The following PHKB variants were observed in gnomAD, a reference collection of about 807,000 sequenced individuals.
PHKB encodes the protein phosphorylase b kinase regulatory subunit beta.
Under a neutral mutation model 152.1 loss-of-function variants are expected in PHKB, and 122 were observed. The observed-to-expected ratio is 0.80, with a 90% CI of 0.69 to 0.93. PHKB has a LOEUF of 0.93. PHKB is among the 40% of genes least tolerant of loss of function. The pLI is 0.00. For synonymous variants in PHKB, 436 were observed against 464.9 expected, an observed-to-expected ratio of 0.94 and a Z score of 0.80; for missense variants, 1,304 against 1,328.4, an observed-to-expected ratio of 0.98 and a Z score of 0.29.
intron 26 of PHKB, among the ~76,000 whole-genome samples, chr16:47,687,942 TC>T (rs1449927768): frequency 6.6e-6 from 1 of 152,204 alleles, no homozygotes; most frequent in Non-Finnish European, 1.5e-5. Flanking sequence ...ACATTAGTCA[TC>T]CCATGAGGAT....
At chr16:47,636,157 C>A (rs1046506567) in intron 14 of PHKB, among the ~76,000 whole-genome samples, 1 of 152,176 alleles carries the variant, frequency 6.6e-6, no homozygotes, top group Non-Finnish European at 1.5e-5. Context: ...AGTTTTCAAT[C>A]TATTAACTTT....
At chr16:47,567,522 CT>C (rs1283966670) in intron 7 of PHKB, among the ~76,000 whole-genome samples, 3 of 152,010 alleles carry the variant, frequency 2.0e-5, no homozygotes, top group African/African-American at 7.3e-5. Context: ...TTTACATGCC[CT>C]TTATTTCTGT....
chr16:47,563,925 C>T (rs1971519205), intron 7 of PHKB, among the ~76,000 whole-genome samples: 1 of 151,752 alleles, frequency 6.6e-6, no homozygotes, highest in African/African-American at 2.4e-5. Context: ...GTTTTTCATT[C>T]CTGAGATACT....
intron 1 of PHKB, among the ~76,000 whole-genome samples, chr16:47,496,069 ATTT>A (rs1046020940): frequency 6.6e-6 from 1 of 151,930 alleles, no homozygotes; most frequent in African/African-American, 2.4e-5. Context: ...GGACACAGCA[ATTT>A]TATGAGCATA....
Position 47,594,217 on chromosome 16 carries a change from A to G in PHKB, c.1204+3A>G. ...AGTACTTCATCATACCACAGAAGGTATAGTTGTTTTTTTAAGAAATTCTTC... is the reference window on the plus strand; with the variant it reads ...AGTACTTCATCATACCACAGAAGGTGTAGTTGTTTTTTTAAGAAATTCTTC... On this transcript the variant is annotated splice_donor_region_variant and intron_variant, in intron 12 of 30. Transcript: ENST00000323584. The G allele has an allele frequency of 3.3e-6, 5 of 1,494,166 alleles. No individual in the cohort carries two copies. In the South Asian group the frequency reaches 3.4e-5, roughly 10 times the overall value. 92.6% of individuals were successfully genotyped at this position (1,494,166 alleles called of 1,614,324 possible). A position where few individuals can be genotyped will look rare whatever the true frequency, so the allele number is the denominator to read the frequency against.
intron 1 of PHKB, among the ~76,000 whole-genome samples, chr16:47,477,127 A>C (rs759760161): frequency 1.3e-5 from 2 of 152,136 alleles, no homozygotes; most frequent in Admixed American, 6.5e-5. Flanking sequence ...TCTTGTTTTT[A>C]CATATTTTCT....
At position 47,463,842 on chromosome 16, in the gene PHKB, ATTAAT is replaced by A. The variant is rs2151624838; in HGVS notation, c.76+2421_76+2425del. ...TTAATAACTGCTCACACTGCTTTCAATTAATTTAACACTGATTGCTTCTAACCTTT... is the reference window on the plus strand; with the variant it reads ...TTAATAACTGCTCACACTGCTTTCAATTAACACTGATTGCTTCTAACCTTT... On this transcript the variant is annotated intron_variant, in intron 1 of 30. Transcript: ENST00000323584. 6 of 1,253,668 alleles carry A rather than the reference ATTAAT, an allele frequency of 4.8e-6. No homozygotes were observed. The South Asian group carries it at 7.3e-5, about 15-fold the overall frequency. The allele number at this position is 1,253,668 out of a possible 1,614,324, so 77.7% of individuals were successfully genotyped here. A position where few individuals can be genotyped will look rare whatever the true frequency, so the allele number is the denominator to read the frequency against.
intron 1 of PHKB, among the ~76,000 whole-genome samples, chr16:47,488,990 G>A (rs1456228801): frequency 6.6e-6 from 1 of 152,106 alleles, no homozygotes; most frequent in African/African-American, 2.4e-5. Context: ...AAATGTCATT[G>A]GTAGTTTGAT....
chr16:47,631,545 G>T (rs571074113), intron 14 of PHKB, among the ~76,000 whole-genome samples: 43 of 152,156 alleles, frequency 2.8e-4, no homozygotes, highest in African/African-American at 8.7e-4. Flanking sequence ...TTGTTACATT[G>T]GTATGCATGT....
intron 6 of PHKB, among the ~76,000 whole-genome samples, chr16:47,536,663 A>T (rs1265332598): frequency 6.6e-6 from 1 of 152,242 alleles, no homozygotes; most frequent in African/African-American, 2.4e-5. Flanking sequence ...ATTCACACAA[A>T]GTGAGGAACA....
Position 47,699,499 on chromosome 16 carries a change from G to A in PHKB, c.*133G>A, listed in dbSNP as rs1974212124. 1.0e-6 allele frequency: 1 copy of A among 998,366 alleles called. No individual in the cohort carries two copies. The highest frequency in any genetic ancestry group is 1.6e-6 in the Non-Finnish European group (1 of 621,928). The allele number at this position is 998,366 out of a possible 1,614,324, so 61.8% of individuals were successfully genotyped here. Reference sequence around the variant, plus strand: ...GGAGGTGAATGCCACATCCTTGGCGGGGTTATGGACCTCTTGCATGTCATA... The same window carrying A: ...GGAGGTGAATGCCACATCCTTGGCGAGGTTATGGACCTCTTGCATGTCATA... On this transcript the variant is annotated 3_prime_UTR_variant, in exon 31 of 31. Coordinates refer to ENST00000323584, the MANE Select transcript of PHKB (RefSeq NM_000293.3).
intron 6 of PHKB, among the ~76,000 whole-genome samples, chr16:47,523,747 A>T (rs1394130181): frequency 6.6e-6 from 1 of 152,188 alleles, no homozygotes; most frequent in Non-Finnish European, 1.5e-5. Flanking sequence ...GCAGTGTTAA[A>T]TGGTTGCAAC....
chr16:47,620,244 A>G (rs1184694186), intron 14 of PHKB, among the ~76,000 whole-genome samples: 2 of 152,226 alleles, frequency 1.3e-5, no homozygotes, highest in African/African-American at 2.4e-5. Flanking sequence ...TTCTGATATG[A>G]AAATGCTATT....
chr16:47,627,619 A>G (rs902869622), intron 14 of PHKB, among the ~76,000 whole-genome samples: 3 of 152,228 alleles, frequency 2.0e-5, no homozygotes, highest in African/African-American at 4.8e-5. Context: ...TTATATAATC[A>G]CTAATCCAAT....
chr16:47,496,896 G>T (rs899863114), intron 1 of PHKB, among the ~76,000 whole-genome samples: 1 of 152,194 alleles, frequency 6.6e-6, no homozygotes, highest in South Asian at 2.1e-4. Context: ...AGGAATTTCA[G>T]CATGAAACCT....
intron 6 of PHKB, among the ~76,000 whole-genome samples, chr16:47,531,154 C>T (rs1048507195): frequency 5.9e-5 from 9 of 152,132 alleles, no homozygotes; most frequent in East Asian, 3.8e-4. Flanking sequence ...CACCCCCTCC[C>T]GACACACACA....
chr16:47,612,068 C>A (rs957018613), intron 14 of PHKB, among the ~76,000 whole-genome samples: 2 of 152,150 alleles, frequency 1.3e-5, no homozygotes, highest in East Asian at 3.8e-4. Flanking sequence ...CAGAATGTGT[C>A]GTGTCAACAA....
rs201513415 is a variant in PHKB, at chr16:47,576,445, ATT to A, written c.711-3849_711-3848del. 3.0e-4 allele frequency among the ~76,000 whole-genome samples: 45 copies of A among 152,314 alleles called. No individual in the cohort carries two copies. The East Asian group carries it at 8.7e-3, about 29-fold the overall frequency. The stretch of plus-strand genomic sequence containing the variant: ...TAATTCAGCTTACATATTGCTGAAT[ATT>A]GTTTGCAAATGTGTTTTTAAGGATT... On this transcript the variant is annotated intron_variant, in intron 7 of 30. Transcript: ENST00000323584.
intron 6 of PHKB, among the ~76,000 whole-genome samples, chr16:47,515,836 C>G (rs771839067): frequency 1.3e-5 from 2 of 152,002 alleles, no homozygotes; most frequent in Non-Finnish European, 2.9e-5. Flanking sequence ...CGTGAAGACT[C>G]TATTTCAGGT....
Sources: allele counts gnomAD v4.1 joint callset (sites outside exome capture counted in the v4.1 genomes callset), GRCh38; gene constraint gnomAD v4.1.1; transcripts MANE v1.5; gene names NCBI Gene and HGNC (gene_info 2026-07-23, HGNC 2026-07-21).